The following ASCC1 variants were observed in gnomAD, a reference collection of about 807,000 sequenced individuals.
The protein encoded by ASCC1 is ASC-1 complex subunit P50.
In ASCC1, 35 loss-of-function variants were observed where a neutral mutation model predicts 46.6. The observed-to-expected ratio is 0.75, with a 90% CI of 0.57 to 0.99. The LOEUF (loss-of-function observed/expected upper bound fraction) is 0.99. ASCC1 is among the 50% of genes least tolerant of loss of function. The probability of loss-of-function intolerance (pLI) is 0.00; values close to 1 mark genes in which losing one functional copy is unlikely to be tolerated. For synonymous variants in ASCC1, 143 were observed against 146.6 expected, an observed-to-expected ratio of 0.98 and a Z score of 0.18; for missense variants, 376 against 428.7, an observed-to-expected ratio of 0.88 and a Z score of 1.09.
intron 9 of ASCC1, among the ~76,000 whole-genome samples, chr10:72,113,151 A>G (rs1464617212): frequency 6.6e-6 from 1 of 152,242 alleles, no homozygotes; most frequent in Non-Finnish European, 1.5e-5. Flanking sequence ...GTAGGTATTC[A>G]ATAAACATTA....
intron 4 of ASCC1, among the ~76,000 whole-genome samples, chr10:72,199,470 G>A (rs1264569182): frequency 6.6e-6 from 1 of 151,854 alleles, no homozygotes; most frequent in African/African-American, 2.4e-5. Flanking sequence ...GCTAATTTTT[G>A]TATTTTCAGC....
At chr10:72,116,823 G>C (rs996958877) in intron 9 of ASCC1, among the ~76,000 whole-genome samples, 10 of 152,186 alleles carry the variant, frequency 6.6e-5, no homozygotes, top group South Asian at 4.1e-4. Flanking sequence ...GCCAGGCACA[G>C]TGGCTCATGC....
intron 9 of ASCC1, among the ~76,000 whole-genome samples, chr10:72,108,344 T>A (rs1235672427): frequency 6.6e-6 from 1 of 152,126 alleles, no homozygotes; most frequent in Non-Finnish European, 1.5e-5. Flanking sequence ...CCCAAACTGC[T>A]GAGATTACAG....
chr10:72,113,350 T>C (rs1250553055), intron 9 of ASCC1, among the ~76,000 whole-genome samples: 2 of 152,228 alleles, frequency 1.3e-5, no homozygotes, highest in Non-Finnish European at 1.5e-5. Flanking sequence ...AGGAATAACC[T>C]GTGAACATGA....
intron 7 of ASCC1, among the ~76,000 whole-genome samples, chr10:72,151,469 T>C (rs894762670): frequency 6.0e-5 from 9 of 150,986 alleles, no homozygotes; most frequent in Non-Finnish European, 7.4e-5. Context: ...GGGGGAGGGA[T>C]AGCATTAAGA....
rs868058266 is a variant in ASCC1, at chr10:72,129,563, A to G, written c.872-1396T>C. Among the ~76,000 whole-genome samples, 10 of 152,254 alleles carry G rather than the reference A, an allele frequency of 6.6e-5. No homozygotes were observed. The Middle Eastern group carries it at 0.014, about 207-fold the overall frequency. On this transcript the variant is annotated intron_variant, in intron 8 of 9. Coordinates refer to ENST00000672957, the MANE Select transcript of ASCC1 (RefSeq NM_001198800.3). Reference sequence around the variant, plus strand: ...ATGCCTGTAACCCCAGCACTTTGGGAGGCCGGGACAGGTGGATCACCTTAG... The same window carrying G: ...ATGCCTGTAACCCCAGCACTTTGGGGGGCCGGGACAGGTGGATCACCTTAG...
chr10:72,197,743 T>C (rs769368357), intron 4 of ASCC1, among the ~76,000 whole-genome samples: 30 of 151,022 alleles, frequency 2.0e-4, no homozygotes, highest in Non-Finnish European at 4.0e-4. Context: ...CCATCTCTAC[T>C]AAAAATACAA....
In ASCC1 at chr10:72,133,184, G is replaced by A. The variant is rs1589279886; in HGVS notation, c.747-3C>T. 8 of 1,613,892 alleles carry A rather than the reference G, an allele frequency of 5.0e-6. No homozygotes were observed. Among genetic ancestry groups the A allele is most frequent in the East Asian group, 2.2e-5 (1 of 44,868 alleles). On this transcript the variant is annotated splice_region_variant and splice_polypyrimidine_tract_variant and intron_variant, in intron 7 of 9. Coordinates refer to ENST00000672957, the MANE Select transcript of ASCC1 (RefSeq NM_001198800.3). Reference sequence around the variant, plus strand: ...CTCGATCAACTAATTCTTGTAGCCTGGAGAAATTGGAGAAAAGTAATGCAG... The same window carrying A: ...CTCGATCAACTAATTCTTGTAGCCTAGAGAAATTGGAGAAAAGTAATGCAG...
upstream of ASCC1, among the ~76,000 whole-genome samples, chr10:72,216,621 T>C (rs1859400737): frequency 6.6e-6 from 1 of 152,040 alleles, no homozygotes; most frequent in African/African-American, 2.4e-5. Flanking sequence ...TAGGAACTTT[T>C]AAGGAATTAC....
chr10:72,118,121 A>G (rs918160345), intron 9 of ASCC1, among the ~76,000 whole-genome samples: 4 of 152,144 alleles, frequency 2.6e-5, no homozygotes, highest in African/African-American at 9.7e-5. Context: ...TAATCCCAGC[A>G]CTTTGGGAGG....
At chr10:72,165,973 T>C (rs1352995338) in intron 5 of ASCC1, among the ~76,000 whole-genome samples, 1 of 152,220 alleles carries the variant, frequency 6.6e-6, no homozygotes, top group Non-Finnish European at 1.5e-5. Flanking sequence ...AAATATCTTA[T>C]GACAGAAGCA....
chr10:72,200,651 C>A (rs1856367237), intron 4 of ASCC1, among the ~76,000 whole-genome samples: 3 of 140,586 alleles, frequency 2.1e-5, no homozygotes, highest in Admixed American at 1.4e-4. Flanking sequence ...GCAACAAGAG[C>A]GAAACTCCAT....
chr10:72,172,212 G>A (rs540814875), intron 5 of ASCC1, among the ~76,000 whole-genome samples: 25 of 151,842 alleles, frequency 1.6e-4, no homozygotes, highest in African/African-American at 4.6e-4. Flanking sequence ...TCAGGAGATC[G>A]AGACCAGCCT....
intron 8 of ASCC1, among the ~76,000 whole-genome samples, chr10:72,131,439 TAC>T (rs71927487): frequency 0.39 from 54,886 of 139,112 alleles, 11,625 homozygotes; most frequent in East Asian, 0.69. Context: ...AAAATAAAAA[TAC>T]ACACACACAC....
chr10:72,149,112 T>C (rs1032174356), intron 7 of ASCC1, among the ~76,000 whole-genome samples: 1 of 151,746 alleles, frequency 6.6e-6, no homozygotes, highest in African/African-American at 2.4e-5. Context: ...AATTTGGGGG[T>C]TGGAAAATAG....
At chr10:72,123,217 T>TA (rs1756714535) in intron 9 of ASCC1, among the ~76,000 whole-genome samples, 1 of 151,728 alleles carries the variant, frequency 6.6e-6, no homozygotes, top group Non-Finnish European at 1.5e-5. Context: ...CGTGTGCCTG[T>TA]AGTCCCAGCT....
intron 8 of ASCC1, among the ~76,000 whole-genome samples, chr10:72,131,013 T>C (rs1338036809): frequency 6.6e-6 from 1 of 152,206 alleles, no homozygotes; most frequent in Non-Finnish European, 1.5e-5. Flanking sequence ...CTGTTCAGAA[T>C]AAAACAAATA....
At chr10:72,140,537 AAAAGT>A (rs1846843051) in intron 7 of ASCC1, among the ~76,000 whole-genome samples, 2 of 152,234 alleles carry the variant, frequency 1.3e-5, no homozygotes, top group Non-Finnish European at 2.9e-5. Flanking sequence ...TCACTAACAT[AAAAGT>A]AATGTGTAGG....
At chr10:72,160,431 T>TA (rs1849508369) in intron 6 of ASCC1, among the ~76,000 whole-genome samples, 1 of 152,128 alleles carries the variant, frequency 6.6e-6, no homozygotes, top group Admixed American at 6.6e-5. Flanking sequence ...GAAGATACGG[T>TA]TCTTTGAAAT....
Sources: gnomAD v4.1 joint callset for allele counts (sites outside exome capture counted in the v4.1 genomes callset) on GRCh38, gnomAD v4.1.1 for gene constraint, MANE v1.5 for transcripts, NCBI Gene and HGNC (gene_info 2026-07-23, HGNC 2026-07-21) for gene names.